The following DEFB107A variants were observed in gnomAD, a reference collection of about 807,000 sequenced individuals.
The protein encoded by DEFB107A is beta-defensin 107.
At chr8:7,813,703 T>G (rs1165106055) in intron 1 of DEFB107A, among the ~76,000 whole-genome samples, 1 of 152,152 alleles carries the variant, frequency 6.6e-6, no homozygotes, top group African/African-American at 2.4e-5. Context: ...ACCTTTTATA[T>G]TGATCATTAA....
At chr8:7,815,008 G>A (rs1817181511) in intron 1 of DEFB107A, among the ~76,000 whole-genome samples, 1 of 26,026 alleles carries the variant, frequency 3.8e-5, no homozygotes, top group Non-Finnish European at 8.1e-5. Context: ...AGGGCTCTGG[G>A]AGGCCGAGGA....
chr8:7,813,135 C>A (rs1236344662), intron 1 of DEFB107A, among the ~76,000 whole-genome samples: 1 of 107,148 alleles, frequency 9.3e-6, no homozygotes, highest in East Asian at 2.7e-4. Flanking sequence ...TCATTTTTAC[C>A]TTCAGACTTT....
intron 1 of DEFB107A, among the ~76,000 whole-genome samples, chr8:7,812,952 C>CATAT (rs1491404479): frequency 6.7e-6 from 1 of 149,030 alleles, no homozygotes; most frequent in Non-Finnish European, 1.5e-5. Flanking sequence ...CACACACACA[C>CATAT]ATATATATAT....
chr8:7,813,772 T>C (rs1352859750), intron 1 of DEFB107A, among the ~76,000 whole-genome samples: 11 of 151,890 alleles, frequency 7.2e-5, no homozygotes, highest in Non-Finnish European at 1.2e-4. Context: ...TTCTAATTTG[T>C]GCCCAAACTA....
chr8:7,811,907 T>G lies in DEFB107A; in HGVS notation c.114A>C (p.Glu38Asp). 3.8e-6 allele frequency: 1 copy of G among 259,966 alleles called. No individual in the cohort carries two copies. The highest frequency in any genetic ancestry group is 6.6e-6 in the Non-Finnish European group (1 of 151,908). The allele number at this position is 259,966 out of a possible 1,614,324, so 16.1% of individuals were successfully genotyped here. The change falls in exon 2 of 2, where the codon GAA (glutamate) becomes GAC (aspartate). Residue 38 changes from glutamate (E) to aspartate (D), a missense_variant. Transcript: ENST00000335021. ...TAAGACATTCGGCTTCACAGTGACC[T>G]TCCATTCTCTTACTAATTAGTGCTC... ...IHRALISKRM[E>D]GHCEAECLTF...
intron 1 of DEFB107A, 123 bp from the exon 2 acceptor site, chr8:7,812,073 AACCT>A (rs1205709405): frequency 2.0e-5 from 1 of 51,270 alleles, no homozygotes; most frequent in Non-Finnish European, 3.3e-5. Context: ...ACAGACTATA[AACCT>A]AGAAATTAGA....
At chr8:7,813,365 A>G (rs2128921039) in intron 1 of DEFB107A, among the ~76,000 whole-genome samples, 1 of 147,094 alleles carries the variant, frequency 6.8e-6, no homozygotes, top group Admixed American at 7.0e-5. Flanking sequence ...TCAACTGTTT[A>G]GGATGGCAGG....
At chr8:7,813,640 T>A (rs1817142387) in intron 1 of DEFB107A, among the ~76,000 whole-genome samples, 1 of 149,318 alleles carries the variant, frequency 6.7e-6, no homozygotes, top group South Asian at 2.2e-4. Flanking sequence ...CTTATAAAGA[T>A]TAGCACTGAG....
intron 1 of DEFB107A, among the ~76,000 whole-genome samples, chr8:7,814,069 C>G (rs1817160609): frequency 1.3e-5 from 1 of 78,886 alleles, no homozygotes; most frequent in South Asian, 5.4e-4. Flanking sequence ...CTAGTCTTGC[C>G]TATTTCCAAA....
At chr8:7,813,365 AG>A (rs1220320672) in intron 1 of DEFB107A, among the ~76,000 whole-genome samples, 1 of 146,982 alleles carries the variant, frequency 6.8e-6, no homozygotes, top group African/African-American at 2.5e-5. Flanking sequence ...TCAACTGTTT[AG>A]GATGGCAGGG....
intron 1 of DEFB107A, among the ~76,000 whole-genome samples, chr8:7,815,255 A>AAC (rs1817191449): frequency 8.1e-5 from 1 of 12,286 alleles, no homozygotes; most frequent in Admixed American, 2.2e-3. Context: ...CTCAAAAAAA[A>AAC]AAAAAAAAAA....
chr8:7,813,316 C>T (rs4503117), intron 1 of DEFB107A, among the ~76,000 whole-genome samples: 1 of 143,404 alleles, frequency 7.0e-6, no homozygotes, highest in South Asian at 2.5e-4. Flanking sequence ...TACTTTCTAA[C>T]CCTGCCTGTT....
chr8:7,813,942 G>A, intron 1 of DEFB107A, among the ~76,000 whole-genome samples: 2 of 141,608 alleles, frequency 1.4e-5, no homozygotes, highest in South Asian at 2.4e-4. Context: ...AGCATTGTCT[G>A]ACATCTGCAA....
Sources: gnomAD v4.1 joint callset for allele counts (sites outside exome capture counted in the v4.1 genomes callset) on GRCh38, gnomAD v4.1.1 for gene constraint, MANE v1.5 for transcripts, NCBI Gene and HGNC (gene_info 2026-07-23, HGNC 2026-07-21) for gene names.